The following SSH2 variants were observed in gnomAD, a reference collection of about 807,000 sequenced individuals.
The protein encoded by SSH2 is protein phosphatase Slingshot homolog 2.
In SSH2, 37 loss-of-function variants were observed where a neutral mutation model predicts 135.2. That is an observed-to-expected ratio of 0.27 (90% CI 0.21 to 0.36). The LOEUF is 0.36. Ranked by LOEUF, SSH2 falls within the 10% of genes least tolerant of loss-of-function variation. The pLI is 1.00. For synonymous variants in SSH2, 628 were observed against 646.2 expected (o/e 0.97, Z 0.43); for missense variants, 1,408 against 1,765.3 (o/e 0.80, Z 3.63).
At chr17:29,811,083 C>T (rs2042433352) in intron 2 of SSH2, among the ~76,000 whole-genome samples, 1 of 152,100 alleles carries the variant, frequency 6.6e-6, no homozygotes, top group Non-Finnish European at 1.5e-5. Context: ...GCAACCTCTG[C>T]CTCCTGGGTT....
intron 2 of SSH2, among the ~76,000 whole-genome samples, chr17:29,797,060 G>GTTGGTCTCAAACTTC (rs1169847004): frequency 2.6e-5 from 4 of 151,340 alleles, no homozygotes; most frequent in African/African-American, 7.3e-5. Context: ...CTGGTCTCAA[G>GTTGGTCTCAAACTTC]TGATCTTCCT....
intron 2 of SSH2, among the ~76,000 whole-genome samples, chr17:29,794,391 A>T (rs1352380926): frequency 6.6e-6 from 1 of 152,204 alleles, no homozygotes; most frequent in Non-Finnish European, 1.5e-5. Context: ...CATCAACATC[A>T]ACATAATGGC....
At position 29,740,656 on chromosome 17, in the gene SSH2, T is replaced by C. The variant is rs116822602; in HGVS notation, c.189-37594A>G. 4.6e-3 allele frequency among the ~76,000 whole-genome samples: 695 copies of C among 152,336 alleles called. 8 individuals carry two copies. The highest frequency in any genetic ancestry group is 0.016 in the African/African-American group (657 of 41,578). Reference sequence around the variant, plus strand: ...AGTTAATCTCCTCACCTTTGTGAAATATATCAAGTGCTTTCTATAAATAAG... The same window carrying C: ...AGTTAATCTCCTCACCTTTGTGAAACATATCAAGTGCTTTCTATAAATAAG... On this transcript the variant is annotated intron_variant, in intron 3 of 15. Coordinates refer to ENST00000540801, the MANE Select transcript of SSH2 (RefSeq NM_001282129.2).
chr17:29,655,657 C>CA (rs1475831717), intron 11 of SSH2, 50 bp from the exon 12 acceptor site: 1 of 1,532,108 alleles, frequency 6.5e-7, no homozygotes, highest in African/African-American at 1.4e-5. Context: ...ATCAACCAAA[C>CA]AATACTTGAA....
intron 2 of SSH2, among the ~76,000 whole-genome samples, chr17:29,842,472 GA>G (rs1568008327): frequency 6.8e-6 from 1 of 146,114 alleles, no homozygotes; most frequent in Non-Finnish European, 1.5e-5. Flanking sequence ...AAAAAAAAAA[GA>G]TCATCAGGTG....
intron 3 of SSH2, among the ~76,000 whole-genome samples, chr17:29,744,769 C>T (rs553603848): frequency 6.6e-6 from 1 of 151,966 alleles, no homozygotes; most frequent in African/African-American, 2.4e-5. Flanking sequence ...TGGGAATAAC[C>T]CTGCCTACGA....
chr17:29,646,551 G>A lies in SSH2; in HGVS notation c.1427+1593C>T, dbSNP rs1157064192. On this transcript the variant is annotated intron_variant, in intron 14 of 15. Coordinates refer to ENST00000540801, the MANE Select transcript of SSH2 (RefSeq NM_001282129.2). ...GTCTCACTCTGTCGCCTAGGCCGGA[G>A]TGCAGTGGCGCGATCTCAACTCACT... Among the ~76,000 whole-genome samples, 3 of 152,232 alleles carry A rather than the reference G, an allele frequency of 2.0e-5. No homozygotes were observed. The South Asian group carries it at 6.2e-4, about 32-fold the overall frequency.
intron 1 of SSH2, among the ~76,000 whole-genome samples, chr17:29,889,949 A>G (rs571947143): frequency 6.6e-6 from 1 of 152,058 alleles, no homozygotes; most frequent in African/African-American, 2.4e-5. Flanking sequence ...ACAGAGCAAG[A>G]CCCCAGTCTC....
intron 3 of SSH2, among the ~76,000 whole-genome samples, chr17:29,712,201 G>C (rs1444807425): frequency 6.6e-6 from 1 of 152,190 alleles, no homozygotes; most frequent in Non-Finnish European, 1.5e-5. Flanking sequence ...AATCAGGTTT[G>C]CATTTATTTC....
At chr17:29,700,963 ATT>A (rs1306895583) in intron 4 of SSH2, among the ~76,000 whole-genome samples, 1 of 145,714 alleles carries the variant, frequency 6.9e-6, no homozygotes, top group African/African-American at 2.6e-5. Flanking sequence ...TAATTTTTGT[ATT>A]TTTTTCTTTT....
At chr17:29,702,173 T>C (rs960258518) in intron 4 of SSH2, among the ~76,000 whole-genome samples, 1 of 151,892 alleles carries the variant, frequency 6.6e-6, no homozygotes, top group Admixed American at 6.6e-5. Flanking sequence ...GCCAACATGG[T>C]GAAACACCAT....
chr17:29,692,887 C>T (rs2038547353), intron 5 of SSH2, among the ~76,000 whole-genome samples: 1 of 152,154 alleles, frequency 6.6e-6, no homozygotes, highest in Non-Finnish European at 1.5e-5. Flanking sequence ...CATGTGGAGT[C>T]CACCAATTGG....
intron 3 of SSH2, 174 bp downstream of exon 3, chr17:29,793,720 G>A (rs1009658272): frequency 8.5e-5 from 45 of 528,162 alleles, no homozygotes; most frequent in Non-Finnish European, 1.4e-4. Context: ...TGGAATTACA[G>A]GCACAAAATA....
At chr17:29,756,188 G>A (rs1167726801) in intron 3 of SSH2, among the ~76,000 whole-genome samples, 1 of 150,782 alleles carries the variant, frequency 6.6e-6, no homozygotes, top group Non-Finnish European at 1.5e-5. Context: ...CAAAAGAATC[G>A]CTTGAACCCA....
At chr17:29,689,250 C>A (rs1171558449) in intron 5 of SSH2, among the ~76,000 whole-genome samples, 1 of 152,150 alleles carries the variant, frequency 6.6e-6, no homozygotes, top group Non-Finnish European at 1.5e-5. Context: ...GTCTAACGCC[C>A]ATCCTGGTTT....
chr17:29,662,434 G>A (rs746716689), intron 11 of SSH2, among the ~76,000 whole-genome samples: 1 of 152,138 alleles, frequency 6.6e-6, no homozygotes, highest in Non-Finnish European at 1.5e-5. Context: ...AATACTGTAA[G>A]TCACATTACT....
chr17:29,642,786 T>C (rs1395113605), intron 14 of SSH2, among the ~76,000 whole-genome samples: 1 of 152,208 alleles, frequency 6.6e-6, no homozygotes, highest in Admixed American at 6.5e-5. Flanking sequence ...CCTCATACTC[T>C]GATTAAGACT....
chr17:29,872,501 TC>T (rs1048798386), intron 1 of SSH2, among the ~76,000 whole-genome samples: 2 of 152,152 alleles, frequency 1.3e-5, no homozygotes, highest in African/African-American at 4.8e-5. Flanking sequence ...ACGCCTATAA[TC>T]CCAGCACTTT....
intron 3 of SSH2, among the ~76,000 whole-genome samples, chr17:29,708,386 G>C (rs1259782704): frequency 1.3e-5 from 2 of 151,928 alleles, no homozygotes; most frequent in East Asian, 1.9e-4. Flanking sequence ...TCAGGAGTTC[G>C]AGATCAGCCT....
Sources: gnomAD v4.1 joint callset for allele counts (sites outside exome capture counted in the v4.1 genomes callset) on GRCh38, gnomAD v4.1.1 for gene constraint, MANE v1.5 for transcripts, NCBI Gene and HGNC (gene_info 2026-07-23, HGNC 2026-07-21) for gene names.